The following CHCT1 variants were observed in gnomAD, a reference collection of about 807,000 sequenced individuals.
The protein encoded by CHCT1 is CHD1 helical C-terminal domain containing 1.
At chr17:60,421,765 C>A in the CHCT1 span, 1 of 884,494 alleles carries the variant, frequency 1.1e-6, no homozygotes, top group Non-Finnish European at 1.4e-6. Flanking sequence ...CCGCCCTCGG[C>A]CTCGGGTCCC....
chr17:60,428,561 C>T, the CHCT1 span, among the ~76,000 whole-genome samples: 1 of 150,476 alleles, frequency 6.6e-6, no homozygotes. Context: ...GATCTTGGCT[C>T]ACCACAACCT....
the CHCT1 span, chr17:60,425,652 C>A: frequency 1.6e-6 from 1 of 638,146 alleles, no homozygotes; most frequent in Non-Finnish European, 2.8e-6. Context: ...TCACTCACAT[C>A]CATGCTGGGT....
chr17:60,428,360 CT>C, the CHCT1 span, among the ~76,000 whole-genome samples: 1 of 152,172 alleles, frequency 6.6e-6, no homozygotes, highest in South Asian at 2.1e-4. Flanking sequence ...ACCAAGTCCT[CT>C]CCCTCTCTGC....
chr17:60,430,526 G>A, the CHCT1 span, among the ~76,000 whole-genome samples: 1 of 152,160 alleles, frequency 6.6e-6, no homozygotes, highest in Non-Finnish European at 1.5e-5. Context: ...TGCGGCCCAA[G>A]CTGAAGTGCA....
At chr17:60,430,969 G>A in the CHCT1 span, among the ~76,000 whole-genome samples, 1 of 152,182 alleles carries the variant, frequency 6.6e-6, no homozygotes, top group African/African-American at 2.4e-5. Context: ...GCTTTACCCT[G>A]GACCTGGGTG....
chr17:60,421,312 A>C, the CHCT1 span: 1 of 939,360 alleles, frequency 1.1e-6, no homozygotes, highest in Non-Finnish European at 1.3e-6. Flanking sequence ...AGGACAAGTT[A>C]AAAAGTTTCT....
chr17:60,428,018 G>A, the CHCT1 span, among the ~76,000 whole-genome samples: 1 of 152,096 alleles, frequency 6.6e-6, no homozygotes, highest in Non-Finnish European at 1.5e-5. Context: ...GGCTCCATGA[G>A]GTCAAAATAT....
the CHCT1 span, among the ~76,000 whole-genome samples, chr17:60,428,414 A>G: frequency 4.6e-5 from 7 of 151,944 alleles, no homozygotes; most frequent in East Asian, 1.9e-4. Flanking sequence ...GAGAACTTCA[A>G]TGATTTCTCT....
At chr17:60,427,570 A>G in the CHCT1 span, among the ~76,000 whole-genome samples, 1 of 151,998 alleles carries the variant, frequency 6.6e-6, no homozygotes, top group Non-Finnish European at 1.5e-5. Context: ...GGTGCACACC[A>G]CTGTGCCTAA....
chr17:60,430,662 G>A, the CHCT1 span, among the ~76,000 whole-genome samples: 6 of 152,130 alleles, frequency 3.9e-5, no homozygotes, highest in African/African-American at 9.7e-5. Context: ...TGTATTTTTA[G>A]TAGAGATGGG....
At chr17:60,429,588 TG>T in the CHCT1 span, 3 of 1,600,234 alleles carry the variant, frequency 1.9e-6, no homozygotes, top group Non-Finnish European at 2.6e-6. Flanking sequence ...GGGTGATGCC[TG>T]GACCCAGGAG....
At chr17:60,428,906 T>TC in the CHCT1 span, among the ~76,000 whole-genome samples, 1 of 142,534 alleles carries the variant, frequency 7.0e-6, no homozygotes, top group Non-Finnish European at 1.6e-5. Context: ...AAGGCTCCCA[T>TC]TTTTTTTTTT....
the CHCT1 span, chr17:60,426,824 C>T: frequency 1.3e-5 from 20 of 1,595,794 alleles, no homozygotes; most frequent in Middle Eastern, 1.7e-4. Context: ...CCTGGTGAGG[C>T]GCAAGACATT....
chr17:60,428,881 G>A, the CHCT1 span, among the ~76,000 whole-genome samples: 14 of 148,770 alleles, frequency 9.4e-5, no homozygotes, highest in Admixed American at 8.1e-4. Context: ...TTTTTTAACA[G>A]ACTCAAAGCT....
the CHCT1 span, chr17:60,422,324 G>A: frequency 2.8e-6 from 2 of 712,744 alleles, no homozygotes; most frequent in East Asian, 8.7e-5. Context: ...TGTGCGCTCT[G>A]CCAAAGTCTT....
the CHCT1 span, among the ~76,000 whole-genome samples, chr17:60,430,751 G>T: frequency 1.3e-5 from 2 of 152,366 alleles, no homozygotes; most frequent in East Asian, 1.9e-4. Flanking sequence ...GAAGTGCTGG[G>T]ATTACAGGCG....
At chr17:60,422,421 T>C in the CHCT1 span, 2 of 1,464,136 alleles carry the variant, frequency 1.4e-6, no homozygotes, top group African/African-American at 1.4e-5. Context: ...AATGAGGAAA[T>C]GGGAGCGGGG....
chr17:60,429,539 C>T, the CHCT1 span: 1 of 1,614,104 alleles, frequency 6.2e-7, no homozygotes. Flanking sequence ...GCCAAGATCC[C>T]AGGACCATGT....
the CHCT1 span, among the ~76,000 whole-genome samples, chr17:60,423,851 A>C: frequency 6.6e-6 from 1 of 152,350 alleles, no homozygotes; most frequent in South Asian, 2.1e-4. Flanking sequence ...AATAGTCATT[A>C]GATGCATGGT....
Sources: allele counts gnomAD v4.1 joint callset (sites outside exome capture counted in the v4.1 genomes callset), GRCh38; gene constraint gnomAD v4.1.1; transcripts MANE v1.5; gene names NCBI Gene and HGNC (gene_info 2026-07-23, HGNC 2026-07-21).